TC2N: variants seen among roughly 807,000 people sequenced by gnomAD.
TC2N encodes the protein tandem C2 domains nuclear protein.
A neutral mutation model predicts 61.9 loss-of-function variants in TC2N; 51 were observed. The ratio of observed to expected loss-of-function variants is 0.82; its 90% CI spans 0.66 to 1.04. The LOEUF is 1.04. Among genes scored for constraint, TC2N ranks in the 50% least tolerant of loss-of-function variants. TC2N has a pLI of 0.00. For synonymous variants in TC2N, 204 were observed against 192.6 expected (o/e 1.06, Z -0.49); for missense variants, 556 against 566.7 (o/e 0.98, Z 0.19).
At chr14:91,810,010 G>C (rs1252222067) in intron 3 of TC2N, among the ~76,000 whole-genome samples, 1 of 152,176 alleles carries the variant, frequency 6.6e-6, no homozygotes, top group Non-Finnish European at 1.5e-5. Flanking sequence ...AGTTTCATTT[G>C]CTTGCTGTTT....
At chr14:91,841,920 C>G (rs1434011429) in intron 1 of TC2N, among the ~76,000 whole-genome samples, 1 of 150,856 alleles carries the variant, frequency 6.6e-6, no homozygotes, top group Non-Finnish European at 1.5e-5. Context: ...CATTCATGTT[C>G]TTGGCTACCT....
intron 1 of TC2N, among the ~76,000 whole-genome samples, chr14:91,852,257 G>C (rs984615209): frequency 3.9e-5 from 6 of 152,188 alleles, no homozygotes; most frequent in Non-Finnish European, 8.8e-5. Flanking sequence ...GAGAAACCCC[G>C]TCTCTAGCTA....
intron 1 of TC2N, among the ~76,000 whole-genome samples, chr14:91,855,616 G>A (rs942590187): frequency 6.6e-6 from 1 of 152,204 alleles, no homozygotes; most frequent in Admixed American, 6.5e-5. Flanking sequence ...CAAAGATCCT[G>A]TTTCCAAATG....
intron 1 of TC2N, among the ~76,000 whole-genome samples, chr14:91,860,785 G>A: frequency 6.6e-6 from 1 of 152,330 alleles, no homozygotes; most frequent in East Asian, 1.9e-4. Flanking sequence ...GGGTTGCAGA[G>A]ATACAGGTTG....
intron 1 of TC2N, among the ~76,000 whole-genome samples, chr14:91,858,888 C>T (rs988799245): frequency 1.3e-5 from 2 of 152,078 alleles, no homozygotes; most frequent in African/African-American, 4.8e-5. Context: ...ATTCCATATC[C>T]CTTCTACTCG....
chr14:91,810,751 T>A (rs571647937), intron 3 of TC2N, among the ~76,000 whole-genome samples: 1 of 150,632 alleles, frequency 6.6e-6, no homozygotes, highest in Non-Finnish European at 1.5e-5. Context: ...ATGCAATGTC[T>A]AAAATAAAAA....
rs557870257 is a variant in TC2N at position 91,848,773 on chromosome 14, C to G, written c.-57+18489G>C. 5.9e-5 allele frequency among the ~76,000 whole-genome samples: 9 copies of G among 152,288 alleles called. No individual in the cohort carries two copies. The South Asian group carries it at 1.9e-3, about 32-fold the overall frequency. The stretch of plus-strand genomic sequence containing the variant: ...TCCAGGAGTTTCTGTACTCTTACTC[C>G]TATCTTTTCCAAGATGACTACAGCC... On this transcript the variant is annotated intron_variant, in intron 1 of 11. Coordinates refer to ENST00000435962, the MANE Select transcript of TC2N (RefSeq NM_001128596.3).
chr14:91,851,060 A>G (rs1177892171), intron 1 of TC2N, among the ~76,000 whole-genome samples: 8 of 152,204 alleles, frequency 5.3e-5, no homozygotes, highest in Non-Finnish European at 7.3e-5. Context: ...GGTGAGATGT[A>G]TAATTATCTA....
chr14:91,842,022 G>A (rs577668929), intron 1 of TC2N, among the ~76,000 whole-genome samples: 56 of 143,864 alleles, frequency 3.9e-4, no homozygotes, highest in South Asian at 1.3e-3. Context: ...GCAGTGGTGC[G>A]ATCATGGCTC....
At chr14:91,784,911 C>T (rs1467306658) in intron 11 of TC2N, among the ~76,000 whole-genome samples, 3 of 152,104 alleles carry the variant, frequency 2.0e-5, no homozygotes, top group Non-Finnish European at 2.9e-5. Flanking sequence ...ATTGATAATT[C>T]TCATCGTTTT....
chr14:91,796,633 T>C (rs1370870586), intron 8 of TC2N, among the ~76,000 whole-genome samples: 6 of 152,086 alleles, frequency 3.9e-5, no homozygotes, highest in East Asian at 1.9e-4. Flanking sequence ...TATAATGCCA[T>C]GTGAAGACAG....
At chr14:91,846,606 G>A (rs1219764418) in intron 1 of TC2N, among the ~76,000 whole-genome samples, 1 of 152,202 alleles carries the variant, frequency 6.6e-6, no homozygotes, top group Non-Finnish European at 1.5e-5. Context: ...GTGCCCTGTG[G>A]AGCATCCTCG....
chr14:91,816,776 C>T (rs536479000), intron 1 of TC2N, among the ~76,000 whole-genome samples: 147 of 151,978 alleles, frequency 9.7e-4, no homozygotes, highest in African/African-American at 3.4e-3. Context: ...ATTAAAAATT[C>T]CATATTTTCT....
intron 1 of TC2N, among the ~76,000 whole-genome samples, chr14:91,862,917 G>A (rs1888623389): frequency 6.6e-6 from 1 of 152,246 alleles, no homozygotes; most frequent in Non-Finnish European, 1.5e-5. Flanking sequence ...AAGCAAAGGA[G>A]TCTACCTCTC....
intron 1 of TC2N, among the ~76,000 whole-genome samples, chr14:91,861,424 A>G (rs567963557): frequency 2.0e-5 from 3 of 152,362 alleles, no homozygotes; most frequent in African/African-American, 7.2e-5. Flanking sequence ...ATGCATAAAA[A>G]GCTTTGTGCT....
At chr14:91,791,070 G>A (rs1723438688) in intron 9 of TC2N, among the ~76,000 whole-genome samples, 1 of 151,402 alleles carries the variant, frequency 6.6e-6, no homozygotes, top group African/African-American at 2.4e-5. Flanking sequence ...AGATGGAGGA[G>A]GTAGTGAGCT....
intron 8 of TC2N, 37 bp downstream of exon 8, chr14:91,797,748 A>C (rs771590307): frequency 1.3e-5 from 17 of 1,337,998 alleles, no homozygotes; most frequent in Non-Finnish European, 1.7e-5. Context: ...AAAAAAAAAA[A>C]AACAGAAAAG....
chr14:91,833,545 C>T (rs1235478708), intron 1 of TC2N, among the ~76,000 whole-genome samples: 5 of 152,082 alleles, frequency 3.3e-5, no homozygotes, highest in Non-Finnish European at 7.4e-5. Flanking sequence ...GAAGCATCAT[C>T]TCATCAAGAA....
intron 1 of TC2N, among the ~76,000 whole-genome samples, chr14:91,854,070 A>G (rs1190842734): frequency 2.0e-5 from 3 of 152,174 alleles, no homozygotes; most frequent in Non-Finnish European, 4.4e-5. Flanking sequence ...CGTGGTTTTG[A>G]AGTGGAACCA....
Sources: gnomAD v4.1 joint callset for allele counts (sites outside exome capture counted in the v4.1 genomes callset) on GRCh38, gnomAD v4.1.1 for gene constraint, MANE v1.5 for transcripts, NCBI Gene and HGNC (gene_info 2026-07-23, HGNC 2026-07-21) for gene names.